Variants in KARS1 observed in about 807,000 individuals in gnomAD.
The protein encoded by KARS1 is lysine--tRNA ligase.
KARS1 carries 50 observed loss-of-function variants against 63.9 expected under a neutral mutation model. That is an observed-to-expected ratio of 0.78 (90% CI 0.62 to 0.99). The LOEUF is 0.99. Ranked by LOEUF, KARS1 falls within the 50% of genes least tolerant of loss-of-function variation. The pLI is 0.00. For synonymous variants in KARS1, 320 were observed against 264.6 expected, an observed-to-expected ratio of 1.21 and a Z score of -2.03; for missense variants, 816 against 754.5, an observed-to-expected ratio of 1.08 and a Z score of -0.95.
At chr16:75,629,574 A>T in intron 11 of KARS1, 33 bp from the exon 12 acceptor site, 1 of 1,612,510 alleles carries the variant, frequency 6.2e-7, no homozygotes, top group Non-Finnish European at 8.5e-7. Context: ...GAGGCTGAAT[A>T]TAGAGGCCCC....
chr16:75,647,455 T>C (rs1165948189), intron 1 of KARS1, 123 bp downstream of exon 1: 2 of 906,570 alleles, frequency 2.2e-6, no homozygotes, highest in Non-Finnish European at 3.6e-6. Flanking sequence ...CGTCTCAGCA[T>C]GTGCGTACCC....
chr16:75,628,902 G>C (rs1444599802), intron 12 of KARS1, 190 bp from the exon 13 acceptor site: 6 of 662,630 alleles, frequency 9.1e-6, no homozygotes, highest in Non-Finnish European at 1.3e-5. Context: ...CTGGAGGTCA[G>C]GACTGATGAA....
chr16:75,647,198 T>G (rs1414244059), intron 1 of KARS1, among the ~76,000 whole-genome samples: 1 of 152,250 alleles, frequency 6.6e-6, no homozygotes, highest in East Asian at 1.9e-4. Context: ...GTATTTAACA[T>G]TTCTCCAACT....
In KARS1 at chr16:75,635,947, T is replaced by C. The variant is rs751637676; in HGVS notation, c.634A>G (p.Met212Val). ...AGGCCAAAGTGAAGATGAGGTAACA[T>C]ATGCAAACAGGGAGACAGCAGTGTG... ...EITLLSPCLH[M>V]LPHLHFGLKD... The change falls in exon 5 of 14, where the codon ATG (methionine) becomes GTG (valine). Residue 212 changes from methionine (M) to valine (V), a missense_variant. Met to Val is a conservative substitution (Grantham distance 21). Transcript: ENST00000302445. The C allele has an allele frequency of 5.6e-6, 9 of 1,614,170 alleles. No individual in the cohort carries two copies. The highest frequency in any genetic ancestry group is 6.8e-6 in the Non-Finnish European group (8 of 1,180,026).
At chr16:75,629,721 T>C (rs1028554932) in intron 11 of KARS1, among the ~76,000 whole-genome samples, 180 bp from the exon 12 acceptor site, 1 of 152,224 alleles carries the variant, frequency 6.6e-6, no homozygotes, top group South Asian at 2.1e-4. Flanking sequence ...TGCCTCAGCC[T>C]TGAGTAGCCG....
chr16:75,634,941 T>A (rs1216844182), intron 6 of KARS1, among the ~76,000 whole-genome samples: 3 of 152,180 alleles, frequency 2.0e-5, no homozygotes, highest in African/African-American at 7.2e-5. Context: ...ACTGATTGTT[T>A]AAAAAAAATT....
rs545221147 is a variant in KARS1 at position 75,645,675 on chromosome 16, C to T, written c.62+1903G>A. 7.2e-5 allele frequency among the ~76,000 whole-genome samples: 11 copies of T among 152,082 alleles called. No individual in the cohort carries two copies. The East Asian group carries it at 1.5e-3, about 21-fold the overall frequency. ...CAGCCTGGGCAACAAGGTCAAATCCCGTCTCTACTAAAACACAAAAATTTA... is the reference window on the plus strand; with the variant it reads ...CAGCCTGGGCAACAAGGTCAAATCCTGTCTCTACTAAAACACAAAAATTTA... On this transcript the variant is annotated intron_variant, in intron 1 of 13. Transcript: ENST00000302445.
chr16:75,647,558 A>C lies in KARS1; in HGVS notation c.62+20T>G. On this transcript the variant is annotated intron_variant, in intron 1 of 13. Coordinates refer to ENST00000302445, the MANE Select transcript of KARS1 (RefSeq NM_005548.3). ...GACTCTCCTACCGCAAAGGCTTTAA[A>C]GACTCGCAGCGACACTCACTTCTTG... 6.2e-7 allele frequency: 1 copy of C among 1,611,008 alleles called. No homozygotes were observed. Among genetic ancestry groups the C allele is most frequent in the Non-Finnish European group, 8.5e-7 (1 of 1,178,108 alleles).
In KARS1 at chr16:75,631,406, G is replaced by T; in HGVS notation, c.1252+10C>A. 6.2e-7 allele frequency: 1 copy of T among 1,613,888 alleles called. No homozygotes were observed. Among genetic ancestry groups the T allele is most frequent in the Middle Eastern group, 1.6e-4 (1 of 6,062 alleles). ...GCCTTACAACGGAGGAGTGAGTGTT[G>T]TCACTTTACCTTCAGTTTCAAAGAG... On this transcript the variant is annotated intron_variant, in intron 9 of 13. Transcript: ENST00000302445.
intron 1 of KARS1, chr16:75,644,589 C>G: frequency 3.5e-6 from 2 of 571,970 alleles, no homozygotes. Context: ...TAACTTAAGA[C>G]TGTCTTAACT....
chr16:75,628,113 A>G (rs2082071258), intron 13 of KARS1, 120 bp from the exon 14 acceptor site: 2 of 741,430 alleles, frequency 2.7e-6, no homozygotes, highest in Admixed American at 3.8e-5. Flanking sequence ...AGTATATTCC[A>G]GCTGAAAAGG....
rs1263851236 is a variant in KARS1 at position 75,629,557 on chromosome 16, C to G, written c.1425-16G>C. On this transcript the variant is annotated splice_polypyrimidine_tract_variant and intron_variant, in intron 11 of 13. Transcript: ENST00000302445. ...AGAGCGGTGCCTAGGGACAGGAGACCAAAGAGGAGGCTGAATATAGAGGCC... is the reference window on the plus strand; with the variant it reads ...AGAGCGGTGCCTAGGGACAGGAGACGAAAGAGGAGGCTGAATATAGAGGCC... The G allele has an allele frequency of 1.9e-6, 3 of 1,613,616 alleles. No homozygotes were observed. In the South Asian group the frequency reaches 3.3e-5, roughly 18 times the overall value.
intron 4 of KARS1, 51 bp downstream of exon 4, chr16:75,636,403 T>A (rs772195302): frequency 8.9e-7 from 1 of 1,119,402 alleles, no homozygotes; most frequent in African/African-American, 1.5e-5. Context: ...CCTATTGCTG[T>A]GTTGCTCTAG....
chr16:75,635,020 G>A (rs1159105572), intron 6 of KARS1, among the ~76,000 whole-genome samples: 1 of 152,162 alleles, frequency 6.6e-6, no homozygotes, highest in African/African-American at 2.4e-5. Context: ...TTGAACATGT[G>A]TATAAAGATG....
At chr16:75,639,908 A>G in intron 3 of KARS1, 1 of 464,392 alleles carries the variant, frequency 2.2e-6, no homozygotes, top group Non-Finnish European at 3.9e-6. Flanking sequence ...TGGAATTCTT[A>G]GAAGCCTGAG....
In KARS1 at chr16:75,631,872, G is replaced by A. The variant is rs1218339717; in HGVS notation, c.916-17C>T. 2 of 1,613,354 alleles carry A rather than the reference G, an allele frequency of 1.2e-6. No individual in the cohort carries two copies. The highest frequency in any genetic ancestry group is 1.7e-6 in the Non-Finnish European group (2 of 1,179,884). ...CACAAGCATCTAACAACAACACATG[G>A]CCACGGTCATGACAGCTAATCTTTT... On this transcript the variant is annotated splice_polypyrimidine_tract_variant and intron_variant, in intron 7 of 13. Transcript: ENST00000302445.
intron 1 of KARS1, among the ~76,000 whole-genome samples, chr16:75,646,203 CT>C (rs2082281739): frequency 6.6e-6 from 1 of 152,188 alleles, no homozygotes; most frequent in Non-Finnish European, 1.5e-5. Flanking sequence ...TTCTCTTATA[CT>C]TTTTCTAAGA....
intron 1 of KARS1, 74 bp from the exon 2 acceptor site, chr16:75,641,797 T>A: frequency 6.6e-7 from 1 of 1,508,550 alleles, no homozygotes; most frequent in Admixed American, 1.7e-5. Flanking sequence ...TAGCAACTTA[T>A]CAAAAACATG....
chr16:75,636,206 C>A, intron 4 of KARS1, 108 bp from the exon 5 acceptor site: 2 of 771,488 alleles, frequency 2.6e-6, no homozygotes, highest in Non-Finnish European at 4.5e-6. Flanking sequence ...AATGTGAGCC[C>A]AAGAAGGACG....
Sources: gnomAD v4.1 joint callset for allele counts (sites outside exome capture counted in the v4.1 genomes callset) on GRCh38, gnomAD v4.1.1 for gene constraint, MANE v1.5 for transcripts, NCBI Gene and HGNC (gene_info 2026-07-23, HGNC 2026-07-21) for gene names.